Variants in KCNH1 observed in about 807,000 individuals in gnomAD.
KCNH1 encodes potassium voltage-gated channel subfamily H member 1.
Under a neutral mutation model 69.2 loss-of-function variants are expected in KCNH1, and 27 were observed. That is an observed-to-expected ratio of 0.39 (90% CI 0.29 to 0.54). The LOEUF (loss-of-function observed/expected upper bound fraction) is 0.54. KCNH1 is among the 20% of genes least tolerant of loss of function. The pLI is 0.68. For missense variants in KCNH1, 798 were observed against 1,261.6 expected, an observed-to-expected ratio of 0.63 and a Z score of 5.57; for synonymous variants, 456 against 487.7, an observed-to-expected ratio of 0.93 and a Z score of 0.86.
intron 10 of KCNH1, among the ~76,000 whole-genome samples, chr1:210,754,263 C>T (rs1683346188): frequency 6.6e-6 from 1 of 152,058 alleles, no homozygotes; most frequent in East Asian, 1.9e-4. Context: ...AAATACTTCC[C>T]AAGCCAAGTA....
chr1:210,886,612 C>T (rs1222833091), intron 7 of KCNH1, among the ~76,000 whole-genome samples: 3 of 151,966 alleles, frequency 2.0e-5, no homozygotes, highest in South Asian at 2.1e-4. Context: ...GCTAAAGGAG[C>T]ATGTTCTAAC....
chr1:210,692,111 A>G (rs933360006), intron 10 of KCNH1, among the ~76,000 whole-genome samples: 1 of 152,200 alleles, frequency 6.6e-6, no homozygotes, highest in African/African-American at 2.4e-5. Flanking sequence ...CAGCATCTGC[A>G]CTTTCTTCTG....
chr1:210,917,207 C>CAGAGAGAGAG (rs140438633), intron 7 of KCNH1, among the ~76,000 whole-genome samples: 26 of 108,806 alleles, frequency 2.4e-4, no homozygotes, highest in African/African-American at 8.4e-4. Context: ...AAGAAAGGGA[C>CAGAGAGAGAG]AGAGAGAGAG....
intron 7 of KCNH1, among the ~76,000 whole-genome samples, chr1:210,837,611 G>A (rs1018928456): frequency 2.0e-5 from 3 of 152,156 alleles, no homozygotes; most frequent in African/African-American, 7.2e-5. Flanking sequence ...TGAAACTCAG[G>A]ATTCTTACAT....
chr1:210,719,249 C>G lies in KCNH1; in HGVS notation c.2113-35111G>C, dbSNP rs1682391530. On this transcript the variant is annotated intron_variant, in intron 10 of 10. Transcript: ENST00000271751. ...CACAGAAAGTTGTATCAGACAGCACCAGCTAGCACTCGGAATCAACCCCTG... is the reference window on the plus strand; with the variant it reads ...CACAGAAAGTTGTATCAGACAGCACGAGCTAGCACTCGGAATCAACCCCTG... Among the ~76,000 whole-genome samples the G allele has an allele frequency of 2.6e-5, 4 of 152,108 alleles. No individual in the cohort carries two copies. The South Asian group carries it at 8.3e-4, about 31-fold the overall frequency.
Position 210,898,182 on chromosome 1 carries a change from G to A in KCNH1, c.1462+21458C>T, listed in dbSNP as rs187509661. 4.6e-4 allele frequency among the ~76,000 whole-genome samples: 70 copies of A among 152,242 alleles called. 1 individual carries two copies. The South Asian group carries it at 6.2e-3, about 14-fold the overall frequency. On this transcript the variant is annotated intron_variant, in intron 7 of 10. Transcript: ENST00000271751. Reference sequence around the variant, plus strand: ...AGTGTTTGTGGCAGGTATCTCTGTCGTTTGTGGAGCTGACCTGCCTGCTGA... The same window carrying A: ...AGTGTTTGTGGCAGGTATCTCTGTCATTTGTGGAGCTGACCTGCCTGCTGA...
intron 10 of KCNH1, among the ~76,000 whole-genome samples, chr1:210,730,981 C>T (rs773671759): frequency 1.3e-5 from 2 of 152,158 alleles, no homozygotes; most frequent in African/African-American, 2.4e-5. Flanking sequence ...CTTTTTAACT[C>T]TCCTTTTCCT....
chr1:211,070,396 C>T (rs150286025), intron 5 of KCNH1, among the ~76,000 whole-genome samples: 1,868 of 144,738 alleles, frequency 0.013, 12 homozygotes, highest in Non-Finnish European at 0.021. Context: ...CCAGCCTGGG[C>T]GACAGAGCGA....
At chr1:211,022,797 G>T (rs998205571) in intron 5 of KCNH1, among the ~76,000 whole-genome samples, 1 of 151,886 alleles carries the variant, frequency 6.6e-6, no homozygotes, top group Non-Finnish European at 1.5e-5. Context: ...CAGTTAAATG[G>T]CTATTATCAA....
intron 10 of KCNH1, among the ~76,000 whole-genome samples, chr1:210,690,543 G>A (rs1021361788): frequency 1.3e-5 from 2 of 152,112 alleles, no homozygotes; most frequent in Admixed American, 6.6e-5. Context: ...TAACAAACTG[G>A]GCCATTTAAG....
chr1:210,777,300 A>G (rs1352177349), intron 9 of KCNH1, among the ~76,000 whole-genome samples: 1 of 152,178 alleles, frequency 6.6e-6, no homozygotes, highest in Non-Finnish European at 1.5e-5. Flanking sequence ...GAGCTGAAAA[A>G]CATTTATACT....
At chr1:210,898,574 C>T (rs900730886) in intron 7 of KCNH1, among the ~76,000 whole-genome samples, 1 of 151,944 alleles carries the variant, frequency 6.6e-6, no homozygotes, top group African/African-American at 2.4e-5. Context: ...AGGAAAGGAG[C>T]AGAACTCACT....
At chr1:210,870,323 C>T (rs1469989824) in intron 7 of KCNH1, among the ~76,000 whole-genome samples, 1 of 152,124 alleles carries the variant, frequency 6.6e-6, no homozygotes, top group African/African-American at 2.4e-5. Flanking sequence ...CCCACACCTC[C>T]ACCACTAATA....
At chr1:210,825,799 C>A (rs112924087) in intron 7 of KCNH1, among the ~76,000 whole-genome samples, 3 of 152,266 alleles carry the variant, frequency 2.0e-5, no homozygotes, top group African/African-American at 7.2e-5. Flanking sequence ...AACTTCAGGG[C>A]AGAAACTCAC....
intron 6 of KCNH1, among the ~76,000 whole-genome samples, chr1:210,968,114 G>A (rs1037896455): frequency 7.3e-5 from 11 of 150,418 alleles, no homozygotes; most frequent in Non-Finnish European, 1.5e-4. Flanking sequence ...GAGAATATGC[G>A]GTGTTTGGTT....
At position 210,681,124 on chromosome 1, in the gene KCNH1, G is replaced by A. The variant is rs1398023692; in HGVS notation, c.*2157C>T. ...ATTAGAGGCCTGCCCTGCCTTAAAA[G>A]TGGTGGGTCCTAAACTTCAGAAGCA... is the stretch of plus-strand genomic sequence containing the variant. On this transcript the variant is annotated 3_prime_UTR_variant, in exon 11 of 11. Coordinates refer to ENST00000271751, the MANE Select transcript of KCNH1 (RefSeq NM_172362.3). The A allele has an allele frequency of 2.0e-5, 3 of 152,150 alleles. No homozygotes were observed. Among genetic ancestry groups the A allele is most frequent in the Non-Finnish European group, 4.4e-5 (3 of 68,040 alleles). The allele number at this position is 152,150 out of a possible 1,614,324, so 9.4% of individuals were successfully genotyped here. A position where few individuals can be genotyped will look rare whatever the true frequency, so the allele number is the denominator to read the frequency against.
intron 5 of KCNH1, among the ~76,000 whole-genome samples, chr1:211,080,601 T>C (rs1368147542): frequency 6.6e-6 from 1 of 152,206 alleles, no homozygotes; most frequent in African/African-American, 2.4e-5. Context: ...AACAGTGTGG[T>C]ACTGGTACCA....
chr1:210,996,269 C>A (rs1044080686), intron 6 of KCNH1, among the ~76,000 whole-genome samples: 1 of 152,066 alleles, frequency 6.6e-6, no homozygotes, highest in Admixed American at 6.5e-5. Context: ...CCTGGAAAAT[C>A]GGGTCACTCC....
chr1:210,855,871 C>G (rs1049445534), intron 7 of KCNH1, among the ~76,000 whole-genome samples: 1 of 152,084 alleles, frequency 6.6e-6, no homozygotes, highest in Non-Finnish European at 1.5e-5. Context: ...ACCTGGGTGG[C>G]TCATTCATTT....
Sources: allele counts gnomAD v4.1 joint callset (sites outside exome capture counted in the v4.1 genomes callset), GRCh38; gene constraint gnomAD v4.1.1; transcripts MANE v1.5; gene names NCBI Gene and HGNC (gene_info 2026-07-23, HGNC 2026-07-21).